DNAL1: variants seen among roughly 807,000 people sequenced by gnomAD.
The protein encoded by DNAL1 is dynein axonemal light chain 1.
A neutral mutation model predicts 29.4 loss-of-function variants in DNAL1; 17 were observed. The ratio of observed to expected loss-of-function variants is 0.58; its 90% CI spans 0.40 to 0.87. The LOEUF (loss-of-function observed/expected upper bound fraction) is 0.87. Among genes scored for constraint, DNAL1 ranks in the 40% least tolerant of loss-of-function variants. DNAL1 has a pLI of 0.00. For synonymous variants in DNAL1, 78 were observed against 76.3 expected, an observed-to-expected ratio of 1.02 and a Z score of -0.12; for missense variants, 188 against 214.1, an observed-to-expected ratio of 0.88 and a Z score of 0.76.
At chr14:73,673,886 G>GGA (rs11403998) in intron 5 of DNAL1, among the ~76,000 whole-genome samples, 1 of 143,894 alleles carries the variant, frequency 6.9e-6, no homozygotes, top group African/African-American at 2.6e-5. Context: ...TGACAGAGGG[G>GGA]AAAAAAAAAA....
chr14:73,647,566 TC>T (rs983940244), intron 1 of DNAL1, among the ~76,000 whole-genome samples: 2 of 152,142 alleles, frequency 1.3e-5, no homozygotes, highest in Non-Finnish European at 2.9e-5. Context: ...GTAGCTCTTT[TC>T]CCCAAGTCCC....
chr14:73,670,185 A>G (rs1199572640), intron 4 of DNAL1, among the ~76,000 whole-genome samples: 1 of 152,234 alleles, frequency 6.6e-6, no homozygotes, highest in East Asian at 1.9e-4. Context: ...ATTGAAACTC[A>G]GTTAATTGGA....
rs78994435 is a variant in DNAL1 at position 73,676,898 on chromosome 14, A to G, written c.264+5301A>G. On this transcript the variant is annotated intron_variant, in intron 5 of 7. Transcript: ENST00000553645. ...TCCCACAATGCTAATGCTAGTTTCT[A>G]TTTCCATCACTGGCACATGGATGAA... Among the ~76,000 whole-genome samples the G allele has an allele frequency of 4.2e-3, 627 of 150,470 alleles. 2 individuals are homozygous for G. Among genetic ancestry groups the G allele is most frequent in the African/African-American group, 0.015 (598 of 40,836 alleles).
intron 7 of DNAL1, among the ~76,000 whole-genome samples, chr14:73,690,695 A>G (rs1261817787): frequency 6.6e-6 from 1 of 152,082 alleles, no homozygotes; most frequent in Admixed American, 6.6e-5. Flanking sequence ...CAGACAACAT[A>G]AAGTTCCATG....
chr14:73,655,448 G>A (rs1211253889), intron 2 of DNAL1, among the ~76,000 whole-genome samples: 1 of 151,034 alleles, frequency 6.6e-6, no homozygotes, highest in Non-Finnish European at 1.5e-5. Flanking sequence ...GGGTTCAAGC[G>A]ATTCTCCTGC....
intron 2 of DNAL1, among the ~76,000 whole-genome samples, chr14:73,657,407 T>C (rs1891243979): frequency 1.3e-5 from 2 of 151,902 alleles, no homozygotes; most frequent in South Asian, 4.2e-4. Flanking sequence ...TTTCCAACTC[T>C]TGGGCTCAAG....
At position 73,703,500 on chromosome 14, in the gene DNAL1, C is replaced by A. The variant is rs999153300; in HGVS notation, c.*7558C>A. 6.6e-6 allele frequency: 1 copy of A among 152,178 alleles called. No homozygotes were observed. Among genetic ancestry groups the A allele is most frequent in the African/African-American group, 2.4e-5 (1 of 41,428 alleles). 9.4% of individuals were successfully genotyped at this position (152,178 alleles called of 1,614,324 possible). On this transcript the variant is annotated 3_prime_UTR_variant, in exon 8 of 8. Coordinates refer to ENST00000553645, the MANE Select transcript of DNAL1 (RefSeq NM_031427.4). Reference sequence around the variant, plus strand: ...TTGTTCCTGCCCCACCCTAACTGATCAATGTACTTTGTAATCTCCCCCACC... The same window carrying A: ...TTGTTCCTGCCCCACCCTAACTGATAAATGTACTTTGTAATCTCCCCCACC...
At chr14:73,685,620 C>T (rs1018251306) in intron 5 of DNAL1, among the ~76,000 whole-genome samples, 2 of 151,814 alleles carry the variant, frequency 1.3e-5, no homozygotes, top group South Asian at 2.1e-4. Context: ...CCACCATGCC[C>T]GGCTAATTTT....
At chr14:73,691,279 G>A (rs1892165614) in intron 7 of DNAL1, among the ~76,000 whole-genome samples, 1 of 152,196 alleles carries the variant, frequency 6.6e-6, no homozygotes, top group African/African-American at 2.4e-5. Flanking sequence ...GCTGGGTGTG[G>A]TGGCTCACAC....
intron 7 of DNAL1, among the ~76,000 whole-genome samples, chr14:73,691,903 G>A (rs996605224): frequency 1.4e-5 from 2 of 146,088 alleles, no homozygotes; most frequent in Non-Finnish European, 3.0e-5. Flanking sequence ...TCACCATGTT[G>A]GCCAGGATGG....
intron 1 of DNAL1, among the ~76,000 whole-genome samples, chr14:73,651,717 C>T (rs567715094): frequency 2.0e-5 from 3 of 152,102 alleles, no homozygotes; most frequent in Admixed American, 1.3e-4. Flanking sequence ...AGTGCAATGC[C>T]GCAATCTCGG....
Position 73,695,922 on chromosome 14 carries a change from G to C in DNAL1, c.553G>C (p.Asp185His), listed in dbSNP as rs1297999579. The change falls in exon 8 of 8, where the codon GAT becomes CAT. Residue 185 changes from aspartate (D) to histidine (H), a missense_variant. Coordinates refer to ENST00000553645, the MANE Select transcript of DNAL1 (RefSeq NM_031427.4). ...TTTAGGTACTCCAGTAATTAAAGGG[G>C]ATGAGGAAGAAGACAACTAATGCCA... is the stretch of plus-strand genomic sequence containing the variant. The part of the protein sequence containing the change: ...KLDGTPVIKG[D>H]EEEDN The C allele has an allele frequency of 7.6e-6, 12 of 1,589,144 alleles. No individual in the cohort carries two copies. The highest frequency in any genetic ancestry group is 1.0e-5 in the Non-Finnish European group (12 of 1,166,432).
At chr14:73,689,253 C>G (rs1445923870) in intron 6 of DNAL1, 122 bp from the exon 7 acceptor site, 1 of 1,135,970 alleles carries the variant, frequency 8.8e-7, no homozygotes, top group East Asian at 2.6e-5. Flanking sequence ...AGGATGGTCT[C>G]GATCTCCTGA....
rs1160354472 is a variant in DNAL1 at position 73,681,588 on chromosome 14, C to T, written c.265-5671C>T. On this transcript the variant is annotated intron_variant, in intron 5 of 7. Transcript: ENST00000553645. ...TTGGAATCAAGCATGGACAACATAG[C>T]GAGACCCCATCTCTACCAAAAAAAA... Among the ~76,000 whole-genome samples, 16 of 114,098 alleles carry T rather than the reference C, an allele frequency of 1.4e-4. No homozygotes were observed. In the Admixed American group the frequency reaches 1.4e-3, roughly 10 times the overall value. The allele number at this position is 114,098 out of a possible 152,430, so 74.9% of individuals were successfully genotyped here.
At chr14:73,680,554 C>T (rs1409701037) in intron 5 of DNAL1, among the ~76,000 whole-genome samples, 2 of 152,080 alleles carry the variant, frequency 1.3e-5, no homozygotes, top group Non-Finnish European at 2.9e-5. Context: ...TCATGGGGTA[C>T]AATGCTATGT....
intron 2 of DNAL1, among the ~76,000 whole-genome samples, chr14:73,656,468 C>T (rs1434840165): frequency 6.8e-6 from 1 of 147,406 alleles, no homozygotes; most frequent in African/African-American, 2.5e-5. Context: ...GTGTCTCGCT[C>T]TGTCACCCAG....
At chr14:73,682,780 A>G (rs992213177) in intron 5 of DNAL1, among the ~76,000 whole-genome samples, 2 of 151,912 alleles carry the variant, frequency 1.3e-5, no homozygotes, top group African/African-American at 4.8e-5. Flanking sequence ...CAGGGGCAGT[A>G]ACACACATGG....
intron 5 of DNAL1, among the ~76,000 whole-genome samples, chr14:73,685,860 CT>C (rs557740955): frequency 1.1e-3 from 171 of 152,186 alleles, no homozygotes; most frequent in African/African-American, 3.9e-3. Flanking sequence ...TCACGTCCAT[CT>C]TTTGGCTATT....
intron 1 of DNAL1, among the ~76,000 whole-genome samples, chr14:73,645,264 G>GGA (rs929690756): frequency 6.6e-6 from 1 of 152,200 alleles, no homozygotes; most frequent in Non-Finnish European, 1.5e-5. Context: ...GGGTTAAGGT[G>GGA]GAGGGACTCA....
Sources: allele counts gnomAD v4.1 joint callset (sites outside exome capture counted in the v4.1 genomes callset), GRCh38; gene constraint gnomAD v4.1.1; transcripts MANE v1.5; gene names NCBI Gene and HGNC (gene_info 2026-07-23, HGNC 2026-07-21).